GLRA3: variants seen among roughly 807,000 people sequenced by gnomAD.
GLRA3 encodes the protein glycine receptor subunit alpha-3.
In GLRA3, 44 loss-of-function variants were observed where a neutral mutation model predicts 60.4. That is an observed-to-expected ratio of 0.73 (90% confidence interval 0.57 to 0.94). GLRA3 has a LOEUF of 0.94. GLRA3 is among the 40% of genes least tolerant of loss of function. The pLI is 0.00. For synonymous variants in GLRA3, 223 were observed against 192.9 expected, an observed-to-expected ratio of 1.16 and a Z score of -1.29; for missense variants, 508 against 564.6, an observed-to-expected ratio of 0.90 and a Z score of 1.02.
intron 1 of GLRA3, among the ~76,000 whole-genome samples, chr4:174,798,221 G>C (rs933367321): frequency 6.6e-6 from 1 of 152,160 alleles, no homozygotes; most frequent in African/African-American, 2.4e-5. Context: ...CCAGGCTCCT[G>C]AAGCAGGGAA....
chr4:174,751,580 T>C (rs1737485628), intron 3 of GLRA3, among the ~76,000 whole-genome samples: 1 of 152,060 alleles, frequency 6.6e-6, no homozygotes, highest in African/African-American at 2.4e-5. Context: ...ATTTTGCAAA[T>C]AGGTAGGGGC....
intron 1 of GLRA3, among the ~76,000 whole-genome samples, chr4:174,807,064 C>A (rs192149185): frequency 0.01 from 1,558 of 152,094 alleles, 20 homozygotes; most frequent in African/African-American, 0.035. Context: ...ATAGAAAAGA[C>A]AGTCTATCTT....
chr4:174,650,006 C>T (rs1732971007), intron 9 of GLRA3, among the ~76,000 whole-genome samples: 1 of 151,918 alleles, frequency 6.6e-6, no homozygotes, highest in Non-Finnish European at 1.5e-5. Context: ...TGATACTTTC[C>T]CTGACCAAGC....
intron 1 of GLRA3, among the ~76,000 whole-genome samples, chr4:174,814,000 G>A (rs1740378092): frequency 6.6e-6 from 1 of 152,194 alleles, no homozygotes; most frequent in Admixed American, 6.5e-5. Flanking sequence ...GCAGGAATCA[G>A]GACAAAGGCT....
intron 7 of GLRA3, among the ~76,000 whole-genome samples, chr4:174,667,293 A>G (rs576137769): frequency 3.9e-5 from 6 of 152,102 alleles, no homozygotes; most frequent in African/African-American, 1.2e-4. Context: ...CATTATGATA[A>G]CTCCAGAGAA....
intron 5 of GLRA3, among the ~76,000 whole-genome samples, chr4:174,692,393 G>A (rs1212130927): frequency 1.5e-4 from 22 of 151,098 alleles, no homozygotes; most frequent in African/African-American, 5.4e-4. Context: ...CCCCTACTGG[G>A]AAGTGAGGAG....
chr4:174,823,035 T>G (rs1239502911), intron 1 of GLRA3, among the ~76,000 whole-genome samples: 1 of 152,196 alleles, frequency 6.6e-6, no homozygotes, highest in Admixed American at 6.5e-5. Context: ...TGCCATGCAG[T>G]TGTTAGAATA....
Position 174,642,599 on chromosome 4 carries a change from T to A in GLRA3, c.*1187A>T. The A allele has an allele frequency of 1.1e-6, 1 of 948,188 alleles. No individual in the cohort carries two copies. The allele number at this position is 948,188 out of a possible 1,614,324, so 58.7% of individuals were successfully genotyped here. A position where few individuals can be genotyped will look rare whatever the true frequency, so the allele number is the denominator to read the frequency against. On this transcript the variant is annotated 3_prime_UTR_variant, in exon 10 of 10. Transcript: ENST00000274093. ...GTAATCCCATGGGGTCATTGAAAAA[T>A]TTTATGTAAAAATTTCATTTAAAAT...
At chr4:174,650,076 T>C (rs1470009713) in intron 9 of GLRA3, among the ~76,000 whole-genome samples, 1 of 152,166 alleles carries the variant, frequency 6.6e-6, no homozygotes, top group African/African-American at 2.4e-5. Flanking sequence ...GGGTGGCTAA[T>C]TAATCCAGAT....
In GLRA3 at chr4:174,643,026, C is replaced by T. The variant is rs1249560415; in HGVS notation, c.*760G>A. 13 of 943,544 alleles carry T rather than the reference C, an allele frequency of 1.4e-5. No individual in the cohort carries two copies. Among genetic ancestry groups the T allele is most frequent in the Non-Finnish European group, 1.3e-5 (10 of 792,566 alleles). 58.4% of individuals were successfully genotyped at this position (943,544 alleles called of 1,614,324 possible). On this transcript the variant is annotated 3_prime_UTR_variant, in exon 10 of 10. Transcript: ENST00000274093. ...CTGGCTTGAATTGTTCAATGTTTGG[C>T]AATAACTAAAAATACATAGCTATAA...
chr4:174,819,264 A>G (rs1396397138), intron 1 of GLRA3, among the ~76,000 whole-genome samples: 1 of 152,224 alleles, frequency 6.6e-6, no homozygotes, highest in Non-Finnish European at 1.5e-5. Flanking sequence ...GTAACAGAGA[A>G]AATTATTATT....
intron 7 of GLRA3, among the ~76,000 whole-genome samples, chr4:174,665,940 CCCA>C (rs1156881532): frequency 2.0e-5 from 3 of 151,954 alleles, no homozygotes; most frequent in East Asian, 3.9e-4. Context: ...ACACTTAATC[CCCA>C]CAACAATAGA....
intron 1 of GLRA3, among the ~76,000 whole-genome samples, chr4:174,789,296 A>T (rs933477977): frequency 1.3e-5 from 2 of 152,212 alleles, no homozygotes; most frequent in Non-Finnish European, 2.9e-5. Context: ...GTGTAAGAAA[A>T]CATTAAAATT....
chr4:174,757,272 TACACAC>T (rs10555003), intron 3 of GLRA3, among the ~76,000 whole-genome samples: 66,660 of 150,844 alleles, frequency 0.44, 15,896 homozygotes, highest in Middle Eastern at 0.58. Flanking sequence ...ATACAACATT[TACACAC>T]ACACACACAC....
chr4:174,769,062 GC>G (rs1738273840), intron 2 of GLRA3, among the ~76,000 whole-genome samples: 1 of 151,882 alleles, frequency 6.6e-6, no homozygotes, highest in Admixed American at 6.6e-5. Flanking sequence ...ATGCCTAGTA[GC>G]CCCTTGACTT....
intron 4 of GLRA3, among the ~76,000 whole-genome samples, chr4:174,719,201 G>T (rs1322884126): frequency 6.6e-6 from 1 of 151,536 alleles, no homozygotes; most frequent in East Asian, 1.9e-4. Flanking sequence ...CTGACCTCGT[G>T]ATCCGCCCGC....
chr4:174,658,635 A>T (rs12508934), intron 8 of GLRA3, among the ~76,000 whole-genome samples: 45,806 of 152,062 alleles, frequency 0.3, 8,021 homozygotes, highest in Admixed American at 0.47. Flanking sequence ...GGTATTAGTA[A>T]ATAAGTAATA....
At chr4:174,745,340 T>C (rs959827372) in intron 3 of GLRA3, among the ~76,000 whole-genome samples, 1 of 152,182 alleles carries the variant, frequency 6.6e-6, no homozygotes, top group Non-Finnish European at 1.5e-5. Flanking sequence ...CGTGACACTT[T>C]ATAGGCACAC....
At chr4:174,825,171 T>C (rs1315636805) in intron 1 of GLRA3, among the ~76,000 whole-genome samples, 4 of 152,092 alleles carry the variant, frequency 2.6e-5, no homozygotes. Flanking sequence ...AGCAAAGATT[T>C]TTTTAAAACT....
Sources: gnomAD v4.1 joint callset for allele counts (sites outside exome capture counted in the v4.1 genomes callset) on GRCh38, gnomAD v4.1.1 for gene constraint, MANE v1.5 for transcripts, NCBI Gene and HGNC (gene_info 2026-07-23, HGNC 2026-07-21) for gene names.